The following GALNT6 variants were observed in gnomAD, a reference collection of about 807,000 sequenced individuals.
GALNT6 encodes GalNAc transferase 6.
GALNT6 carries 51 observed loss-of-function variants against 65.9 expected under a neutral mutation model. The ratio of observed to expected loss-of-function variants is 0.77; its 90% CI spans 0.62 to 0.98. The LOEUF is 0.98. Ranked by LOEUF, GALNT6 falls within the 50% of genes least tolerant of loss-of-function variation. The pLI is 0.00. For synonymous variants in GALNT6, 323 were observed against 315.1 expected, an observed-to-expected ratio of 1.02 and a Z score of -0.26; for missense variants, 708 against 803.3, an observed-to-expected ratio of 0.88 and a Z score of 1.43.
rs1165116280 is a variant in GALNT6, at chr12:51,364,448, C to G, written c.815-93G>C. 6.0e-6 allele frequency: 5 copies of G among 830,996 alleles called. No individual in the cohort carries two copies. The Admixed American group carries it at 6.8e-5, about 11-fold the overall frequency. The allele number at this position is 830,996 out of a possible 1,614,324, so 51.5% of individuals were successfully genotyped here. On this transcript the variant is annotated intron_variant, in intron 5 of 11. Transcript: ENST00000356317. ...AGGGAATGCCCAGGAGGATAAGAGACAGTCCACCTACTCCTGGGTTACAGG... is the reference window on the plus strand; with the variant it reads ...AGGGAATGCCCAGGAGGATAAGAGAGAGTCCACCTACTCCTGGGTTACAGG...
intron 4 of GALNT6, among the ~76,000 whole-genome samples, chr12:51,373,921 G>T (rs1033154121): frequency 6.6e-6 from 1 of 152,172 alleles, no homozygotes; most frequent in Admixed American, 6.5e-5. Context: ...GTACAATGGT[G>T]CAGTCAAGGC....
chr12:51,365,688 A>C, intron 4 of GALNT6, 109 bp from the exon 5 acceptor site: 1 of 1,044,984 alleles, frequency 9.6e-7, no homozygotes, highest in Non-Finnish European at 1.4e-6. Flanking sequence ...TGAATTTTAA[A>C]CCCCCAACAC....
At chr12:51,378,549 G>A (rs1174052304) in intron 3 of GALNT6, among the ~76,000 whole-genome samples, 1 of 152,090 alleles carries the variant, frequency 6.6e-6, no homozygotes, top group Admixed American at 6.6e-5. Context: ...AAGAACCTCA[G>A]GTTCACAGCC....
chr12:51,385,149 C>G (rs145382955), intron 2 of GALNT6, among the ~76,000 whole-genome samples: 2 of 151,910 alleles, frequency 1.3e-5, no homozygotes, highest in African/African-American at 4.8e-5. Context: ...TCATCAAGAC[C>G]GGCTAATTTT....
At chr12:51,357,585 C>T (rs569624954) in intron 9 of GALNT6, 135 bp from the exon 10 acceptor site, 178 of 660,982 alleles carry the variant, frequency 2.7e-4, no homozygotes, top group South Asian at 4.5e-4. Context: ...CCCGTCATTT[C>T]TCTCCTCTGT....
chr12:51,358,231 G>A lies in GALNT6; in HGVS notation c.1399C>T (p.Gln467Ter), dbSNP rs1946809491. Residue 467 changes from glutamine (Q) to a stop codon, truncating the protein, a stop_gained, in exon 9 of 12, where the codon CAG becomes TAG. Transcript: ENST00000356317. LOFTEE classifies it high-confidence loss of function. ...TGACAGTGCAGTTGTTCCCTCAGCT[G>A]CAGTCGTTCCGAAATGTCACCGAAG... ...KSFGDISERL[Q>*]LREQLHCHNF... 1 of 1,613,682 alleles carries A rather than the reference G, an allele frequency of 6.2e-7. No individual in the cohort carries two copies. The highest frequency in any genetic ancestry group is 1.3e-5 in the African/African-American group (1 of 74,838).
At chr12:51,373,782 T>G (rs529815857) in intron 4 of GALNT6, among the ~76,000 whole-genome samples, 1 of 152,352 alleles carries the variant, frequency 6.6e-6, no homozygotes, top group African/African-American at 2.4e-5. Context: ...CACCCTTCCC[T>G]TTCCAGAAGC....
At position 51,364,370 on chromosome 12, in the gene GALNT6, C is replaced by T. The variant is rs765114459; in HGVS notation, c.815-15G>A. 47 of 1,572,812 alleles carry T rather than the reference C, an allele frequency of 3.0e-5. No homozygotes were observed. The highest frequency in any genetic ancestry group is 3.9e-5 in the Non-Finnish European group (45 of 1,142,738). On this transcript the variant is annotated splice_polypyrimidine_tract_variant and intron_variant, in intron 5 of 11. Coordinates refer to ENST00000356317, the MANE Select transcript of GALNT6 (RefSeq NM_007210.4). ...GAAGCACTCACCTGCAGGCCCCAAC[C>T]AGGAGGCAGCAGTCAGGGCCCTGCC...
intron 2 of GALNT6, among the ~76,000 whole-genome samples, chr12:51,388,428 T>C (rs1050863956): frequency 1.5e-4 from 23 of 152,360 alleles, no homozygotes; most frequent in Middle Eastern, 3.4e-3. Flanking sequence ...TGCTTGGCAC[T>C]CACTGGCTAT....
At chr12:51,386,920 C>T (rs895023040) in intron 2 of GALNT6, among the ~76,000 whole-genome samples, 3 of 152,256 alleles carry the variant, frequency 2.0e-5, no homozygotes, top group South Asian at 2.1e-4. Context: ...CCCTTTTGAT[C>T]ACAGAATGTG....
intron 2 of GALNT6, among the ~76,000 whole-genome samples, chr12:51,390,308 G>A (rs977010939): frequency 4.0e-5 from 6 of 151,802 alleles, no homozygotes; most frequent in East Asian, 3.9e-4. Flanking sequence ...AATTACAGGC[G>A]CCTGCCACCA....
intron 2 of GALNT6, among the ~76,000 whole-genome samples, chr12:51,388,510 C>G (rs1347547999): frequency 6.6e-6 from 1 of 152,202 alleles, no homozygotes; most frequent in African/African-American, 2.4e-5. Context: ...CAAATTCTTA[C>G]CAGAGACTCC....
At chr12:51,355,986 GGA>G in intron 10 of GALNT6, 28 bp from the exon 11 acceptor site, 1 of 1,609,282 alleles carries the variant, frequency 6.2e-7, no homozygotes, top group Admixed American at 1.7e-5. Context: ...AGAAGCAGGT[GGA>G]GAGTTCACCC....
In GALNT6 at chr12:51,388,931, G is replaced by A. The variant is rs764401446; in HGVS notation, c.-104+1919C>T. ...CTTAGGACCAAGTTGTTCAGGGTAC[G>A]AGAGAATAAGCTGACCCCACAGGGC... On this transcript the variant is annotated intron_variant, in intron 2 of 11. Transcript: ENST00000356317. Among the ~76,000 whole-genome samples the A allele has an allele frequency of 4.6e-5, 7 of 152,276 alleles. No homozygotes were observed. In the Middle Eastern group the frequency reaches 0.014, roughly 296 times the overall value.
chr12:51,372,141 C>G (rs752357171), intron 4 of GALNT6, among the ~76,000 whole-genome samples: 17 of 152,146 alleles, frequency 1.1e-4, no homozygotes, highest in Non-Finnish European at 2.5e-4. Flanking sequence ...GGGATTTTAA[C>G]AGATTCTGAA....
Position 51,379,833 on chromosome 12 carries a change from A to G in GALNT6, c.-52T>C. Reference sequence around the variant, plus strand: ...TGCGTCAGCTCTGAGTCCTGAGCCCAACCCTGGAGATAGCTTGATACGTTG... The same window carrying G: ...TGCGTCAGCTCTGAGTCCTGAGCCCGACCCTGGAGATAGCTTGATACGTTG... On this transcript the variant is annotated 5_prime_UTR_variant, in exon 3 of 12. Transcript: ENST00000356317. 6.5e-7 allele frequency: 1 copy of G among 1,528,892 alleles called. No individual in the cohort carries two copies. Among genetic ancestry groups the G allele is most frequent in the Non-Finnish European group, 8.8e-7 (1 of 1,141,468 alleles). 94.7% of individuals were successfully genotyped at this position (1,528,892 alleles called of 1,614,324 possible). A position where few individuals can be genotyped will look rare whatever the true frequency, so the allele number is the denominator to read the frequency against.
intron 6 of GALNT6, among the ~76,000 whole-genome samples, chr12:51,361,171 G>A (rs1029615141): frequency 6.6e-6 from 1 of 152,220 alleles, no homozygotes; most frequent in Non-Finnish European, 1.5e-5. Flanking sequence ...TTCCCCCAGA[G>A]CTCAATCTAG....
At chr12:51,384,798 T>A (rs941871779) in intron 2 of GALNT6, among the ~76,000 whole-genome samples, 1 of 151,860 alleles carries the variant, frequency 6.6e-6, no homozygotes, top group Non-Finnish European at 1.5e-5. Flanking sequence ...TGCTGGAGGA[T>A]TGCTTGAGCC....
At chr12:51,389,199 C>G (rs1287874392) in intron 2 of GALNT6, among the ~76,000 whole-genome samples, 1 of 152,232 alleles carries the variant, frequency 6.6e-6, no homozygotes, top group Non-Finnish European at 1.5e-5. Flanking sequence ...TGAGTTCACC[C>G]AAGCTACGGC....
Sources: allele counts gnomAD v4.1 joint callset (sites outside exome capture counted in the v4.1 genomes callset), GRCh38; gene constraint gnomAD v4.1.1; transcripts MANE v1.5; gene names NCBI Gene and HGNC (gene_info 2026-07-23, HGNC 2026-07-21).